Variants in WDFY2 observed in about 807,000 individuals in gnomAD.
WDFY2 encodes the protein WD repeat and FYVE domain-containing protein 2.
Under a neutral mutation model 56.4 loss-of-function variants are expected in WDFY2, and 36 were observed. The observed-to-expected ratio is 0.64, with a 90% CI of 0.49 to 0.84. WDFY2 has a LOEUF of 0.84. WDFY2 is among the 40% of genes least tolerant of loss of function. WDFY2 has a pLI of 0.00. For synonymous variants in WDFY2, 176 were observed against 183.7 expected (o/e 0.96, Z 0.34); for missense variants, 444 against 512.2 (o/e 0.87, Z 1.29).
At chr13:51,691,495 T>C (rs1956154988) in intron 3 of WDFY2, among the ~76,000 whole-genome samples, 1 of 151,208 alleles carries the variant, frequency 6.6e-6, no homozygotes, top group Non-Finnish European at 1.5e-5. Context: ...TTGTCAAAGA[T>C]CAGATAGTTG....
intron 7 of WDFY2, among the ~76,000 whole-genome samples, chr13:51,746,976 T>C (rs1020474269): frequency 1.3e-5 from 2 of 152,254 alleles, no homozygotes; most frequent in African/African-American, 4.8e-5. Flanking sequence ...AAATCCTGAC[T>C]CAATCCGCTG....
chr13:51,738,952 G>A (rs1952902220), intron 6 of WDFY2, 97 bp from the exon 7 acceptor site: 1 of 1,298,984 alleles, frequency 7.7e-7, no homozygotes, highest in Admixed American at 3.0e-5. Flanking sequence ...TTGTATGCCA[G>A]GAACTGCACT....
chr13:51,633,656 T>C (rs1224029923), intron 1 of WDFY2, among the ~76,000 whole-genome samples: 3 of 152,124 alleles, frequency 2.0e-5, no homozygotes, highest in African/African-American at 4.8e-5. Flanking sequence ...AGACTTTTTT[T>C]CTCCTGAATT....
At chr13:51,669,719 A>C (rs1255921019) in intron 2 of WDFY2, among the ~76,000 whole-genome samples, 3 of 152,244 alleles carry the variant, frequency 2.0e-5, no homozygotes, top group Non-Finnish European at 4.4e-5. Flanking sequence ...ACCAGTAGCA[A>C]GGCCTTGAAT....
chr13:51,652,783 C>G (rs551368939), intron 1 of WDFY2, among the ~76,000 whole-genome samples: 1 of 152,236 alleles, frequency 6.6e-6, no homozygotes, highest in Non-Finnish European at 1.5e-5. Flanking sequence ...CGCTGTTAGT[C>G]TGATGGGCTT....
chr13:51,635,404 C>T (rs942835747), intron 1 of WDFY2, among the ~76,000 whole-genome samples: 4 of 152,194 alleles, frequency 2.6e-5, no homozygotes, highest in African/African-American at 4.8e-5. Flanking sequence ...ATAAATTAGA[C>T]GTGATCAAAT....
At chr13:51,627,675 T>A (rs1954863404) in intron 1 of WDFY2, among the ~76,000 whole-genome samples, 1 of 152,122 alleles carries the variant, frequency 6.6e-6, no homozygotes, top group South Asian at 2.1e-4. Context: ...TGAGCCACCA[T>A]GCCCAGCTGG....
At chr13:51,704,512 CTA>C (rs1222392196) in intron 4 of WDFY2, among the ~76,000 whole-genome samples, 2 of 152,120 alleles carry the variant, frequency 1.3e-5, no homozygotes, top group Non-Finnish European at 2.9e-5. Context: ...AAATGTTCCT[CTA>C]TTGGTGTTTG....
At chr13:51,715,483 C>T (rs1012692237) in intron 4 of WDFY2, among the ~76,000 whole-genome samples, 13 of 152,124 alleles carry the variant, frequency 8.5e-5, no homozygotes, top group African/African-American at 3.1e-4. Context: ...CTCCACAGCT[C>T]GTCCCACTGG....
chr13:51,647,016 C>T (rs1955274932), intron 1 of WDFY2, among the ~76,000 whole-genome samples: 1 of 152,130 alleles, frequency 6.6e-6, no homozygotes, highest in Non-Finnish European at 1.5e-5. Context: ...CTGAACAATA[C>T]AGTATAACAG....
Position 51,762,516 on chromosome 13 carries a change from G to A in WDFY2, c.*2747G>A, listed in dbSNP as rs534010229. 2 of 152,346 alleles carry A rather than the reference G, an allele frequency of 1.3e-5. No individual in the cohort carries two copies. Among genetic ancestry groups the A allele is most frequent in the South Asian group, 4.1e-4 (2 of 4,832 alleles). The allele number at this position is 152,346 out of a possible 1,614,324, so 9.4% of individuals were successfully genotyped here. ...GTGAAATGCGTTTAGCAAACCAACT[G>A]TGTGTTTGTAATACTGTGAATTCTT... is the stretch of plus-strand genomic sequence containing the variant. On this transcript the variant is annotated 3_prime_UTR_variant, in exon 12 of 12. Coordinates refer to ENST00000298125, the MANE Select transcript of WDFY2 (RefSeq NM_052950.4).
intron 2 of WDFY2, among the ~76,000 whole-genome samples, chr13:51,667,222 C>CT (rs1380263386): frequency 6.6e-6 from 1 of 152,116 alleles, no homozygotes; most frequent in Non-Finnish European, 1.5e-5. Context: ...AAATTGGCTA[C>CT]TTTGTGAGGT....
At chr13:51,620,381 G>C (rs1397795250) in intron 1 of WDFY2, among the ~76,000 whole-genome samples, 1 of 152,064 alleles carries the variant, frequency 6.6e-6, no homozygotes, top group Non-Finnish European at 1.5e-5. Flanking sequence ...GTTGAAGACT[G>C]TGGCGGGTCC....
chr13:51,681,995 G>A (rs1407724268), intron 3 of WDFY2, among the ~76,000 whole-genome samples: 1 of 152,180 alleles, frequency 6.6e-6, no homozygotes, highest in East Asian at 1.9e-4. Flanking sequence ...GATACCAAGA[G>A]CATTTTTTGA....
intron 5 of WDFY2, among the ~76,000 whole-genome samples, chr13:51,725,720 G>T (rs1952589813): frequency 1.3e-5 from 2 of 149,502 alleles, no homozygotes; most frequent in African/African-American, 4.9e-5. Flanking sequence ...TTAAGACAGG[G>T]TCTCACTGTG....
intron 3 of WDFY2, among the ~76,000 whole-genome samples, chr13:51,699,810 T>G (rs2138574173): frequency 6.6e-6 from 1 of 152,340 alleles, no homozygotes; most frequent in South Asian, 2.1e-4. Context: ...TACATAATAT[T>G]TGAGCCAGCA....
intron 1 of WDFY2, among the ~76,000 whole-genome samples, chr13:51,651,084 A>G (rs1219146782): frequency 6.6e-6 from 1 of 152,132 alleles, no homozygotes; most frequent in Non-Finnish European, 1.5e-5. Context: ...TATTGCCTCA[A>G]TTTCAGAGCC....
intron 7 of WDFY2, among the ~76,000 whole-genome samples, chr13:51,747,206 G>T (rs551616111): frequency 6.6e-6 from 1 of 152,250 alleles, no homozygotes; most frequent in East Asian, 1.9e-4. Context: ...ATTTTGTAAC[G>T]TAAGGGTTAA....
intron 1 of WDFY2, among the ~76,000 whole-genome samples, chr13:51,647,646 A>G (rs925848116): frequency 6.6e-6 from 1 of 151,850 alleles, no homozygotes; most frequent in African/African-American, 2.4e-5. Context: ...TAGTTTAGCT[A>G]CTTGGGATGC....
Sources: allele counts gnomAD v4.1 joint callset (sites outside exome capture counted in the v4.1 genomes callset), GRCh38; gene constraint gnomAD v4.1.1; transcripts MANE v1.5; gene names NCBI Gene and HGNC (gene_info 2026-07-23, HGNC 2026-07-21).